Variants in PLXNA4 observed in about 807,000 individuals in gnomAD.
PLXNA4 encodes plexin A4, also known as plexin-A4.
PLXNA4 carries 44 observed loss-of-function variants against 191.8 expected under a neutral mutation model. The observed-to-expected ratio is 0.23, with a 90% confidence interval of 0.18 to 0.29. The LOEUF (loss-of-function observed/expected upper bound fraction) is 0.29, where lower values mean the gene tolerates loss of function less well. Among genes scored for constraint, PLXNA4 ranks in the 10% least tolerant of loss-of-function variants. The probability of loss-of-function intolerance (pLI) is 1.00; values close to 1 mark genes in which losing one functional copy is unlikely to be tolerated. For missense variants in PLXNA4, 1,800 were observed against 2,488.8 expected (o/e 0.72, Z 5.89); for synonymous variants, 1,082 against 1,009.5 (o/e 1.07, Z -1.36).
At chr7:132,641,822 C>T (rs752144537) in intron 2 of PLXNA4, among the ~76,000 whole-genome samples, 5 of 152,046 alleles carry the variant, frequency 3.3e-5, no homozygotes, top group East Asian at 3.9e-4. Flanking sequence ...ACTGGAGGGA[C>T]GACAACATAA....
chr7:132,159,220 A>G (rs1229027338), intron 25 of PLXNA4, among the ~76,000 whole-genome samples: 1 of 152,116 alleles, frequency 6.6e-6, no homozygotes, highest in African/African-American at 2.4e-5. Flanking sequence ...TGCCAGGCAG[A>G]TCACCAACAG....
chr7:132,542,882 G>T (rs543460531), intron 1 of PLXNA4, among the ~76,000 whole-genome samples: 28 of 152,054 alleles, frequency 1.8e-4, no homozygotes, highest in African/African-American at 6.0e-4. Flanking sequence ...CTAGTTTGCT[G>T]CCAAAACTTG....
chr7:132,408,046 A>G (rs986363947), intron 3 of PLXNA4, among the ~76,000 whole-genome samples: 19 of 152,244 alleles, frequency 1.2e-4, no homozygotes, highest in African/African-American at 4.6e-4. Flanking sequence ...TTTAAAAAAA[A>G]AAAGACCTTT....
At chr7:132,220,975 GCTTACTTA>G (rs770211497) in intron 9 of PLXNA4, among the ~76,000 whole-genome samples, 5 of 151,450 alleles carry the variant, frequency 3.3e-5, no homozygotes, top group Admixed American at 6.6e-5. Flanking sequence ...GCCATGCCCA[GCTTACTTA>G]CTTACTTACT....
intron 25 of PLXNA4, among the ~76,000 whole-genome samples, chr7:132,149,439 G>C (rs1051502281): frequency 6.6e-6 from 1 of 152,152 alleles, no homozygotes; most frequent in African/African-American, 2.4e-5. Flanking sequence ...ACGTGTAGGT[G>C]GAGAAGTGCA....
intron 4 of PLXNA4, among the ~76,000 whole-genome samples, chr7:132,246,308 G>A (rs570624870): frequency 2.0e-5 from 3 of 152,230 alleles, no homozygotes; most frequent in South Asian, 4.2e-4. Context: ...TCTTTTCAAC[G>A]TAATCTCAAA....
At chr7:132,260,575 T>C (rs1799602040) in intron 4 of PLXNA4, among the ~76,000 whole-genome samples, 1 of 152,042 alleles carries the variant, frequency 6.6e-6, no homozygotes, top group African/African-American at 2.4e-5. Flanking sequence ...CTATGCTCAC[T>C]ACCTGGGTGG....
chr7:132,219,423 A>C (rs1798071224), intron 9 of PLXNA4, among the ~76,000 whole-genome samples: 1 of 152,262 alleles, frequency 6.6e-6, no homozygotes, highest in Non-Finnish European at 1.5e-5. Context: ...GAGATGATGT[A>C]GACCAAAGGC....
chr7:132,145,394 C>T, intron 28 of PLXNA4, 106 bp from the exon 29 acceptor site: 1 of 1,498,198 alleles, frequency 6.7e-7, no homozygotes, highest in Non-Finnish European at 9.0e-7. Flanking sequence ...GTATACAGCC[C>T]ACCCTACTTG....
chr7:132,177,365 G>T (rs1403063875), intron 20 of PLXNA4, among the ~76,000 whole-genome samples: 2 of 152,216 alleles, frequency 1.3e-5, no homozygotes, highest in Admixed American at 6.5e-5. Context: ...GTCCTGGCTT[G>T]CTGTGAAGTC....
At position 132,527,863 on chromosome 7, in the gene PLXNA4, C is replaced by A. The variant is rs12533367; in HGVS notation, c.-86-19084G>T. Among the ~76,000 whole-genome samples the A allele has an allele frequency of 5.1e-3, 784 of 152,272 alleles. 3 individuals carry two copies. The highest frequency in any genetic ancestry group is 0.044 in the Middle Eastern group (13 of 294). On this transcript the variant is annotated intron_variant, in intron 1 of 31. Transcript: ENST00000321063. ...CAGCCCTGAGAGGTAACTGATAGAG[C>A]CTGCACACAGAGGCACGAGAACAGA...
intron 3 of PLXNA4, among the ~76,000 whole-genome samples, chr7:132,479,007 C>T (rs745764217): frequency 1.2e-4 from 19 of 152,094 alleles, no homozygotes; most frequent in Non-Finnish European, 2.2e-4. Flanking sequence ...GTAGCTCATA[C>T]CTGTAATCTC....
At chr7:132,433,837 C>T (rs182434152) in intron 3 of PLXNA4, among the ~76,000 whole-genome samples, 32 of 152,266 alleles carry the variant, frequency 2.1e-4, no homozygotes, top group African/African-American at 7.0e-4. Flanking sequence ...TTGGAAAATT[C>T]CCTCCATACC....
At chr7:132,609,120 G>A (rs1191034850) in intron 2 of PLXNA4, among the ~76,000 whole-genome samples, 1 of 152,072 alleles carries the variant, frequency 6.6e-6, no homozygotes, top group Non-Finnish European at 1.5e-5. Flanking sequence ...CATTCCCAGT[G>A]GGATTCATCA....
intron 13 of PLXNA4, among the ~76,000 whole-genome samples, chr7:132,194,620 T>C (rs1797196143): frequency 6.6e-6 from 1 of 152,214 alleles, no homozygotes; most frequent in African/African-American, 2.4e-5. Flanking sequence ...GGGAGCTTTC[T>C]GCTCCCGATG....
intron 1 of PLXNA4, among the ~76,000 whole-genome samples, chr7:132,569,350 C>G (rs754068): frequency 0.034 from 5,167 of 152,254 alleles, 196 homozygotes; most frequent in African/African-American, 0.089. Flanking sequence ...TCAATAAAGT[C>G]ATAACACATA....
At chr7:132,350,754 T>C (rs1803450732) in intron 3 of PLXNA4, among the ~76,000 whole-genome samples, 1 of 152,062 alleles carries the variant, frequency 6.6e-6, no homozygotes, top group Non-Finnish European at 1.5e-5. Flanking sequence ...TGAAATAGAT[T>C]TACTATATGA....
rs1794869369 is a variant in PLXNA4, at chr7:132,129,617, A to G, written c.*862T>C. ...CTCATTTGAATTTGAGGGTAAATGG[A>G]AAACAAATTCTGCTTCCAGGGTAGA... On this transcript the variant is annotated 3_prime_UTR_variant, in exon 32 of 32. Transcript: ENST00000321063. 6.6e-6 allele frequency: 1 copy of G among 152,640 alleles called. No individual in the cohort carries two copies. The highest frequency in any genetic ancestry group is 1.5e-5 in the Non-Finnish European group (1 of 68,052). The allele number at this position is 152,640 out of a possible 1,614,324, so 9.5% of individuals were successfully genotyped here.
At chr7:132,540,791 G>T (rs1434251813) in intron 1 of PLXNA4, among the ~76,000 whole-genome samples, 1 of 151,256 alleles carries the variant, frequency 6.6e-6, no homozygotes, top group African/African-American at 2.4e-5. Flanking sequence ...GTTTCACCTT[G>T]TTAGCCAGGA....
Sources: allele counts gnomAD v4.1 joint callset (sites outside exome capture counted in the v4.1 genomes callset), GRCh38; gene constraint gnomAD v4.1.1; transcripts MANE v1.5; gene names NCBI Gene and HGNC (gene_info 2026-07-23, HGNC 2026-07-21).